The following TSPAN7 variants were observed in gnomAD, a reference collection of about 807,000 sequenced individuals.
The protein encoded by TSPAN7 is tetraspanin-7.
Under a neutral mutation model 17.6 loss-of-function variants are expected in TSPAN7, and 1 was observed. The observed-to-expected ratio is 0.06, with a 90% confidence interval of 0.02 to 0.27. The LOEUF (loss-of-function observed/expected upper bound fraction) is 0.27. TSPAN7 is among the 10% of genes least tolerant of loss of function. The probability of loss-of-function intolerance (pLI) is 1.00; values close to 1 mark genes in which losing one functional copy is unlikely to be tolerated. For synonymous variants in TSPAN7, 78 were observed against 79.0 expected, an observed-to-expected ratio of 0.99 and a Z score of 0.07; for missense variants, 112 against 201.7, an observed-to-expected ratio of 0.56 and a Z score of 2.69.
chrX:38,686,018 A>G (rs1013401677), intron 6 of TSPAN7, among the ~76,000 whole-genome samples: 4 of 112,326 alleles, frequency 3.6e-5, no homozygotes, highest in Non-Finnish European at 7.5e-5. Context: ...GTTCTAATAA[A>G]AAAGACAAGC....
chrX:38,647,836 A>G (rs764741427), intron 1 of TSPAN7, among the ~76,000 whole-genome samples: 1 of 112,154 alleles, frequency 8.9e-6, no homozygotes, highest in Admixed American at 9.5e-5. Context: ...CGTTTGGATA[A>G]TGTTAATAAA....
At chrX:38,591,647 C>T (rs904722364) in intron 1 of TSPAN7, among the ~76,000 whole-genome samples, 1 of 112,097 alleles carries the variant, frequency 8.9e-6, no homozygotes, top group Non-Finnish European at 1.9e-5. Flanking sequence ...TTTCTCCTGA[C>T]AGTTCTGTAA....
intron 1 of TSPAN7, among the ~76,000 whole-genome samples, chrX:38,605,095 A>G (rs1158565239): frequency 8.4e-4 from 92 of 109,310 alleles, no homozygotes; most frequent in African/African-American, 2.9e-3. Flanking sequence ...AAGGGTATTC[A>G]ATTAGGAAAA....
At chrX:38,566,137 A>G (rs1404781476) in intron 1 of TSPAN7, among the ~76,000 whole-genome samples, 1 of 112,287 alleles carries the variant, frequency 8.9e-6, no homozygotes, top group Non-Finnish European at 1.9e-5. Context: ...GCGCAACACA[A>G]TCACGTGAGA....
intron 7 of TSPAN7, 35 bp from the exon 8 acceptor site, chrX:38,687,904 G>A (rs190912224): frequency 9.0e-5 from 29 of 323,236 alleles, no homozygotes; most frequent in Non-Finnish European, 1.5e-4. Flanking sequence ...CCTTATTACT[G>A]GTGAATCACT....
intron 1 of TSPAN7, among the ~76,000 whole-genome samples, chrX:38,603,924 G>A (rs1244154311): frequency 3.3e-4 from 34 of 101,909 alleles, no homozygotes; most frequent in Non-Finnish European, 6.0e-4. Flanking sequence ...CACAATTTGC[G>A]GGTTAGTTAC....
chrX:38,579,193 T>C (rs2069213351), intron 1 of TSPAN7, among the ~76,000 whole-genome samples: 1 of 111,915 alleles, frequency 8.9e-6, no homozygotes, highest in African/African-American at 3.3e-5. Flanking sequence ...AGTATATAAT[T>C]TTATGTCTCA....
At position 38,646,277 on chromosome X, in the gene TSPAN7, G is replaced by A. The variant is rs772958485; in HGVS notation, c.82-19844G>A. 25 of 1,153,026 alleles carry A rather than the reference G, an allele frequency of 2.2e-5. No individual in the cohort carries two copies. In the South Asian group the frequency reaches 4.8e-4, roughly 22 times the overall value. On this transcript the variant is annotated intron_variant, in intron 1 of 7. Coordinates refer to ENST00000378482, the MANE Select transcript of TSPAN7 (RefSeq NM_004615.4). Reference sequence around the variant, plus strand: ...TTCATAAAAGAAAGAAAAGGCTGCAGGATTTTGTGGCAGACAGGATGTGGC... The same window carrying A: ...TTCATAAAAGAAAGAAAAGGCTGCAAGATTTTGTGGCAGACAGGATGTGGC...
chrX:38,615,789 G>A (rs1461550150), intron 1 of TSPAN7, among the ~76,000 whole-genome samples: 1 of 112,111 alleles, frequency 8.9e-6, no homozygotes, highest in African/African-American at 3.2e-5. Context: ...ATATTTAGGT[G>A]TCTCATTGTA....
chrX:38,659,024 ACACACACACACACACC>A (rs2069723398), intron 1 of TSPAN7, among the ~76,000 whole-genome samples: 1 of 92,556 alleles, frequency 1.1e-5, no homozygotes, highest in East Asian at 3.5e-4. Context: ...ACACACACAC[ACACACACACACACACC>A]CACAGACGTA....
At position 38,671,415 on chromosome X, in the gene TSPAN7, G is replaced by A. The variant is rs757126777; in HGVS notation, c.310G>A (p.Val104Ile). The A allele has an allele frequency of 5.8e-6, 7 of 1,211,286 alleles. No homozygotes were observed. Among genetic ancestry groups the A allele is most frequent in the East Asian group, 3.0e-5 (1 of 33,827 alleles). ...GTCCCTGGTGTTCCTGGCTGAGCTC[G>A]TAGCTGGCATTTCAGGGTTTGTGTT... ...FLSLVFLAELVAGISGFVFRH... is the reference protein window; with the variant it reads ...FLSLVFLAELIAGISGFVFRH... The change falls in exon 3 of 8, where the codon GTA becomes ATA. Residue 104 changes from valine to isoleucine, a missense_variant. Physicochemically the swap from Val to Ile is conservative, Grantham distance 29. Coordinates refer to ENST00000378482, the MANE Select transcript of TSPAN7 (RefSeq NM_004615.4).
intron 1 of TSPAN7, among the ~76,000 whole-genome samples, chrX:38,664,438 A>T (rs1461608677): frequency 3.6e-5 from 4 of 111,336 alleles, no homozygotes; most frequent in African/African-American, 9.8e-5. Context: ...CGTGTTGGGG[A>T]GTATGGCAGA....
intron 1 of TSPAN7, among the ~76,000 whole-genome samples, chrX:38,578,243 T>C (rs1369570922): frequency 9.0e-6 from 1 of 111,347 alleles, no homozygotes; most frequent in East Asian, 2.8e-4. Context: ...AAGCCCAGAG[T>C]TCTAAATGCA....
At chrX:38,663,853 T>G (rs1017776739) in intron 1 of TSPAN7, among the ~76,000 whole-genome samples, 1 of 112,403 alleles carries the variant, frequency 8.9e-6, no homozygotes, top group Non-Finnish European at 1.9e-5. Context: ...CATACTTGAT[T>G]AGCAGTATAC....
chrX:38,563,536 T>C (rs758387215), intron 1 of TSPAN7, among the ~76,000 whole-genome samples: 3 of 111,253 alleles, frequency 2.7e-5, no homozygotes, highest in Non-Finnish European at 5.7e-5. Flanking sequence ...TGAAGAAATA[T>C]TGTTCTTTCA....
At chrX:38,572,199 T>C (rs1038317374) in intron 1 of TSPAN7, among the ~76,000 whole-genome samples, 1 of 111,471 alleles carries the variant, frequency 9.0e-6, no homozygotes, top group African/African-American at 3.3e-5. Flanking sequence ...TTGGGAAACA[T>C]AGTGGTGTTT....
chrX:38,580,611 T>C (rs2069222500), intron 1 of TSPAN7, among the ~76,000 whole-genome samples: 1 of 112,252 alleles, frequency 8.9e-6, no homozygotes. Flanking sequence ...ATTGTGATGT[T>C]GTTACTACAA....
intron 1 of TSPAN7, among the ~76,000 whole-genome samples, chrX:38,588,044 T>G (rs1262192903): frequency 3.6e-5 from 4 of 111,606 alleles, no homozygotes; most frequent in Non-Finnish European, 7.5e-5. Flanking sequence ...GACCACTAAT[T>G]GCTATAATTG....
intron 6 of TSPAN7, among the ~76,000 whole-genome samples, chrX:38,681,729 A>G (rs2069893604): frequency 1.8e-5 from 2 of 111,976 alleles, no homozygotes; most frequent in African/African-American, 6.5e-5. Flanking sequence ...AAATTTAGCA[A>G]ACTTCAACTT....
Sources: allele counts gnomAD v4.1 joint callset (sites outside exome capture counted in the v4.1 genomes callset), GRCh38; gene constraint gnomAD v4.1.1; transcripts MANE v1.5; gene names NCBI Gene and HGNC (gene_info 2026-07-23, HGNC 2026-07-21).